Variants in CRTAP observed in about 807,000 individuals in gnomAD.
The protein encoded by CRTAP is cartilage-associated protein.
Under a neutral mutation model 42.7 loss-of-function variants are expected in CRTAP, and 33 were observed. That is an observed-to-expected ratio of 0.77 (90% CI 0.59 to 1.03). CRTAP has a LOEUF of 1.03. CRTAP is among the 50% of genes least tolerant of loss of function. The probability of loss-of-function intolerance (pLI) is 0.00; values close to 1 mark genes in which losing one functional copy is unlikely to be tolerated. For synonymous variants in CRTAP, 243 were observed against 217.7 expected (o/e 1.12, Z -1.02); for missense variants, 613 against 533.9 (o/e 1.15, Z -1.46).
chr3:33,126,614 T>C (rs1369000341), intron 3 of CRTAP, among the ~76,000 whole-genome samples: 1 of 152,222 alleles, frequency 6.6e-6, no homozygotes, highest in East Asian at 1.9e-4. Flanking sequence ...AGCTAAGATA[T>C]ATATGTATTG....
chr3:33,118,003 C>T (rs1237733770), intron 1 of CRTAP, among the ~76,000 whole-genome samples: 1 of 151,776 alleles, frequency 6.6e-6, no homozygotes, highest in African/African-American at 2.4e-5. Context: ...CTGTGTCACC[C>T]AGACTGGAGT....
chr3:33,118,683 G>T (rs1054266624), intron 1 of CRTAP, among the ~76,000 whole-genome samples: 2 of 152,332 alleles, frequency 1.3e-5, no homozygotes, highest in Non-Finnish European at 2.9e-5. Flanking sequence ...CTCTGGATTG[G>T]CTGAGTCTCT....
Position 33,114,141 on chromosome 3 carries a change from C to A in CRTAP, c.64C>A (p.Arg22Ser). ...LALLCVACAL[R>S]AGRAQYERYS... ...GCTGCTGTGCGTGGCCTGCGCGCTGCGCGCCGGGCGCGCCCAATACGAACG... is the reference window on the plus strand; with the variant it reads ...GCTGCTGTGCGTGGCCTGCGCGCTGAGCGCCGGGCGCGCCCAATACGAACG... The change falls in exon 1 of 7, where the codon CGC becomes AGC. Residue 22 changes from arginine to serine, a missense_variant. Coordinates refer to ENST00000320954, the MANE Select transcript of CRTAP (RefSeq NM_006371.5). The A allele has an allele frequency of 1.3e-6, 2 of 1,572,454 alleles. No individual in the cohort carries two copies. The highest frequency in any genetic ancestry group is 1.7e-6 in the Non-Finnish European group (2 of 1,168,974).
chr3:33,136,548 G>A (rs542847409), intron 6 of CRTAP, among the ~76,000 whole-genome samples: 24 of 152,290 alleles, frequency 1.6e-4, no homozygotes, highest in South Asian at 1.2e-3. Flanking sequence ...CCCAAGACTA[G>A]CCTGAGTAAC....
rs778315159 is a variant in CRTAP at position 33,147,468 on chromosome 3, T to G, written c.*5020T>G. ...GTTGCTTGTTGAATGAATGAGTGAG[T>G]TGGCTCTATATCCCCTTGGAGCTGG... is the stretch of plus-strand genomic sequence containing the variant. On this transcript the variant is annotated 3_prime_UTR_variant, in exon 7 of 7. Transcript: ENST00000320954. 1 of 152,516 alleles carries G rather than the reference T, an allele frequency of 6.6e-6. No homozygotes were observed. The highest frequency in any genetic ancestry group is 1.5e-5 in the Non-Finnish European group (1 of 68,066). 9.4% of individuals were successfully genotyped at this position (152,516 alleles called of 1,614,324 possible).
At position 33,146,395 on chromosome 3, in the gene CRTAP, C is replaced by T. The variant is rs557381644; in HGVS notation, c.*3947C>T. On this transcript the variant is annotated 3_prime_UTR_variant, in exon 7 of 7. Coordinates refer to ENST00000320954, the MANE Select transcript of CRTAP (RefSeq NM_006371.5). ...ACTCAGGGCATCCAAACAGGAGGCA[C>T]CCGCTGGGAAGGGTCTAAAGATACT... is the stretch of plus-strand genomic sequence containing the variant. 2.0e-5 allele frequency: 3 copies of T among 152,326 alleles called. No individual in the cohort carries two copies. Among genetic ancestry groups the T allele is most frequent in the African/African-American group, 7.2e-5 (3 of 41,528 alleles). The allele number at this position is 152,326 out of a possible 1,614,324, so 9.4% of individuals were successfully genotyped here.
At chr3:33,140,502 A>G (rs983045677) in intron 6 of CRTAP, among the ~76,000 whole-genome samples, 2 of 152,184 alleles carry the variant, frequency 1.3e-5, no homozygotes, top group East Asian at 1.9e-4. Flanking sequence ...TAGTCCTTCC[A>G]TTTTCCAAAG....
chr3:33,114,652 T>C (rs1228574367), intron 1 of CRTAP, 104 bp downstream of exon 1: 1 of 1,076,212 alleles, frequency 9.3e-7, no homozygotes, highest in Non-Finnish European at 1.4e-6. Flanking sequence ...CCTCCAGTTC[T>C]AGACCTGGCT....
At position 33,134,321 on chromosome 3, in the gene CRTAP, C is replaced by T. The variant is rs1190295900; in HGVS notation, c.1152+56C>T. The T allele has an allele frequency of 5.2e-6, 6 of 1,152,368 alleles. No individual in the cohort carries two copies. In the East Asian group the frequency reaches 9.4e-5, roughly 18 times the overall value. The allele number at this position is 1,152,368 out of a possible 1,614,324, so 71.4% of individuals were successfully genotyped here. A position where few individuals can be genotyped will look rare whatever the true frequency, so the allele number is the denominator to read the frequency against. On this transcript the variant is annotated intron_variant, in intron 6 of 6. Transcript: ENST00000320954. ...GGCTACGAGAAAATATTACTCACAT[C>T]TTTGCTAGAATCACTGGAAGGCTGA...
At position 33,118,546 on chromosome 3, in the gene CRTAP, T is replaced by G. The variant is rs149459140; in HGVS notation, c.472-1798T>G. Among the ~76,000 whole-genome samples the G allele has an allele frequency of 4.6e-5, 7 of 152,362 alleles. No homozygotes were observed. In the East Asian group the frequency reaches 1.3e-3, roughly 29 times the overall value. The stretch of plus-strand genomic sequence containing the variant: ...TGCCATTGTCTCAAAATGACTTGGT[T>G]CCAATTCTGGGGCAATTCGGTACCG... On this transcript the variant is annotated intron_variant, in intron 1 of 6. Transcript: ENST00000320954.
Position 33,134,796 on chromosome 3 carries a change from C to A in CRTAP, c.1152+531C>A, listed in dbSNP as rs189681647. ...ATGAGTCTGGTCACAGAAAAGCCAT[C>A]ATTAGCGGTAGTATTTAGAGTATTT... On this transcript the variant is annotated intron_variant, in intron 6 of 6. Transcript: ENST00000320954. Among the ~76,000 whole-genome samples the A allele has an allele frequency of 2.0e-4, 31 of 152,210 alleles. No homozygotes were observed. In the East Asian group the frequency reaches 2.5e-3, roughly 12 times the overall value.
chr3:33,122,123 G>A (rs2029887277), intron 2 of CRTAP, among the ~76,000 whole-genome samples: 1 of 152,248 alleles, frequency 6.6e-6, no homozygotes, highest in South Asian at 2.1e-4. Flanking sequence ...TGTTTTCATA[G>A]GGTTTGGGGA....
chr3:33,142,404 G>T lies in CRTAP; in HGVS notation c.1162G>T (p.Val388Leu). Reference protein sequence around the residue: ...NIMDDDEGEVVEYVDDLLELE... With the variant: ...NIMDDDEGEVLEYVDDLLELE... ...CTGTTGTCTCTTACAGGGAGAAGTT[G>T]TGGAATATGTGGATGACCTCTTGGA... Residue 388 changes from valine (V) to leucine (L), a missense_variant, in exon 7 of 7, where the codon GTG (valine) becomes TTG (leucine). Physicochemically the swap from Val to Leu is conservative, Grantham distance 32 (BLOSUM62 1). Coordinates refer to ENST00000320954, the MANE Select transcript of CRTAP (RefSeq NM_006371.5). 1 of 1,614,080 alleles carries T rather than the reference G, an allele frequency of 6.2e-7. No individual in the cohort carries two copies. The highest frequency in any genetic ancestry group is 2.2e-5 in the East Asian group (1 of 44,882).
intron 1 of CRTAP, among the ~76,000 whole-genome samples, chr3:33,120,135 C>T (rs1486590420): frequency 2.6e-5 from 4 of 152,154 alleles, no homozygotes; most frequent in Admixed American, 6.5e-5. Flanking sequence ...AAAGGCAGAC[C>T]GAGGCCATCC....
At chr3:33,132,453 G>T in intron 4 of CRTAP, 102 bp from the exon 5 acceptor site, 1 of 1,529,790 alleles carries the variant, frequency 6.5e-7, no homozygotes, top group Non-Finnish European at 9.0e-7. Context: ...AAGAAGGACT[G>T]TGGAGAAGGG....
At position 33,134,249 on chromosome 3, in the gene CRTAP, T is replaced by C. The variant is rs1407134899; in HGVS notation, c.1136T>C (p.Ile379Thr). 7 of 1,607,468 alleles carry C rather than the reference T, an allele frequency of 4.4e-6. No homozygotes were observed. The highest frequency in any genetic ancestry group is 1.3e-5 in the African/African-American group (1 of 74,776). ...CTGTATGACTTTGCTAAGGAAAATA[T>C]AATGGATGATGATGAGGTAAGTTTT... Reference protein sequence around the residue: ...KELYDFAKENIMDDDEGEVVE... With the variant: ...KELYDFAKENTMDDDEGEVVE... The change falls in exon 6 of 7, where the codon ATA (isoleucine) becomes ACA (threonine). Residue 379 changes from isoleucine (I) to threonine (T), a missense_variant. Coordinates refer to ENST00000320954, the MANE Select transcript of CRTAP (RefSeq NM_006371.5).
In CRTAP at chr3:33,124,493, T is replaced by G; in HGVS notation, c.707T>G (p.Phe236Cys). The change falls in exon 3 of 7, where the codon TTC (phenylalanine) becomes TGC (cysteine). Residue 236 changes from phenylalanine (F) to cysteine (C), a missense_variant. Phe to Cys is a radical substitution (Grantham distance 205). Transcript: ENST00000320954. Reference protein sequence around the residue: ...ITDMELALPDFFKAFYECLAA... With the variant: ...ITDMELALPDCFKAFYECLAA... ...GACATGGAGCTGGCCCTTCCCGACT[T>G]CTTCAAAGCCTTTTACGAGTGTCTC... The G allele has an allele frequency of 6.2e-7, 1 of 1,614,224 alleles. No homozygotes were observed. The highest frequency in any genetic ancestry group is 8.5e-7 in the Non-Finnish European group (1 of 1,180,036).
intron 1 of CRTAP, among the ~76,000 whole-genome samples, chr3:33,118,047 G>C (rs1218127748): frequency 6.6e-6 from 1 of 151,336 alleles, no homozygotes; most frequent in East Asian, 1.9e-4. Context: ...TGCAACCTCC[G>C]CCCCCCGGGT....
chr3:33,130,810 AG>A (rs1281813353), intron 4 of CRTAP, among the ~76,000 whole-genome samples: 1 of 152,168 alleles, frequency 6.6e-6, no homozygotes, highest in Non-Finnish European at 1.5e-5. Context: ...CTGGGATTAC[AG>A]GTGTGAGCCA....
Sources: gnomAD v4.1 joint callset for allele counts (sites outside exome capture counted in the v4.1 genomes callset) on GRCh38, gnomAD v4.1.1 for gene constraint, MANE v1.5 for transcripts, NCBI Gene and HGNC (gene_info 2026-07-23, HGNC 2026-07-21) for gene names.